SMURF1: variants seen among roughly 807,000 people sequenced by gnomAD.
SMURF1 encodes SMAD specific E3 ubiquitin protein ligase 1.
Under a neutral mutation model 98.0 loss-of-function variants are expected in SMURF1, and 44 were observed. That is an observed-to-expected ratio of 0.45 (90% CI 0.35 to 0.58). SMURF1 has a LOEUF of 0.58. Among genes scored for constraint, SMURF1 ranks in the 20% least tolerant of loss-of-function variants. The pLI is 0.00. For missense variants in SMURF1, 687 were observed against 938.4 expected (o/e 0.73, Z 3.50); for synonymous variants, 396 against 374.9 (o/e 1.06, Z -0.65).
At chr7:99,121,491 C>T (rs969417212) in intron 1 of SMURF1, among the ~76,000 whole-genome samples, 11 of 152,168 alleles carry the variant, frequency 7.2e-5, no homozygotes, top group African/African-American at 2.7e-4. Flanking sequence ...CAGCAGATAA[C>T]TGTGTAAAAG....
intron 1 of SMURF1, among the ~76,000 whole-genome samples, chr7:99,124,026 T>C (rs577846957): frequency 6.6e-6 from 1 of 152,312 alleles, no homozygotes; most frequent in East Asian, 1.9e-4. Context: ...GCTACTGGTA[T>C]GTGGTGGAAC....
intron 11 of SMURF1, among the ~76,000 whole-genome samples, chr7:99,042,711 C>T (rs1221409506): frequency 6.6e-6 from 1 of 152,244 alleles, no homozygotes; most frequent in Admixed American, 6.5e-5. Flanking sequence ...ACTCAGGTTG[C>T]ATTAAGCCCA....
chr7:99,031,192 G>A lies in SMURF1; in HGVS notation c.2097-509C>T, dbSNP rs766879603. Among the ~76,000 whole-genome samples the A allele has an allele frequency of 4.1e-4, 63 of 152,280 alleles. 2 individuals carry two copies. Among genetic ancestry groups the A allele is most frequent in the Middle Eastern group, 3.4e-3 (1 of 294 alleles). On this transcript the variant is annotated intron_variant, in intron 17 of 17. Transcript: ENST00000361368. Reference sequence around the variant, plus strand: ...GCAACGTCACCACTAACGATGTACTGCGTGTCTGTCTGTTCCTCTGGGACT... The same window carrying A: ...GCAACGTCACCACTAACGATGTACTACGTGTCTGTCTGTTCCTCTGGGACT...
At chr7:99,051,093 G>A in intron 8 of SMURF1, 1 of 1,143,924 alleles carries the variant, frequency 8.7e-7, no homozygotes, top group Non-Finnish European at 1.3e-6. Flanking sequence ...AAAAAAGTTA[G>A]TGATCATAAG....
intron 1 of SMURF1, among the ~76,000 whole-genome samples, chr7:99,077,002 A>C (rs1361418206): frequency 3.3e-5 from 5 of 151,864 alleles, no homozygotes; most frequent in African/African-American, 1.2e-4. Flanking sequence ...ATAAAAAAAA[A>C]AACAAAAAAG....
chr7:99,060,641 A>G lies in SMURF1; in HGVS notation c.161T>C (p.Val54Ala). 2 of 1,613,894 alleles carry G rather than the reference A, an allele frequency of 1.2e-6. No homozygotes were observed. The highest frequency in any genetic ancestry group is 1.7e-6 in the Non-Finnish European group (2 of 1,179,974). Residue 54 changes from valine to alanine, a missense_variant, in exon 3 of 18, where the codon GTG (valine) becomes GCG (alanine). By Grantham distance (64) the Val-to-Ala change is moderately conservative. This residue lies in a region of SMURF1 where 415 missense variants were observed against 508.4 expected (regional missense o/e 0.82). Transcript: ENST00000361368. ...GSGQCHSTDTVKNTLDPKWNQ... is the reference protein window; with the variant it reads ...GSGQCHSTDTAKNTLDPKWNQ... ...CCACTTTGGGTCCAATGTGTTTTTC[A>G]CAGTGTCGGTTGAGTGGCACTGCCC...
intron 13 of SMURF1, among the ~76,000 whole-genome samples, chr7:99,039,654 C>T (rs1289820334): frequency 2.0e-5 from 3 of 152,106 alleles, no homozygotes; most frequent in African/African-American, 7.2e-5. Context: ...AGGCATGAGC[C>T]ACCGCACCCA....
At chr7:99,130,929 T>A (rs1390106619) in intron 1 of SMURF1, among the ~76,000 whole-genome samples, 2 of 152,162 alleles carry the variant, frequency 1.3e-5, no homozygotes, top group African/African-American at 4.8e-5. Context: ...ATTAGGCCAA[T>A]GAGACAAGAG....
At chr7:99,092,769 G>C (rs185839303) in intron 1 of SMURF1, among the ~76,000 whole-genome samples, 16 of 152,246 alleles carry the variant, frequency 1.1e-4, no homozygotes, top group Non-Finnish European at 1.8e-4. Flanking sequence ...ATGAATCCAC[G>C]ATATATAGTG....
intron 1 of SMURF1, among the ~76,000 whole-genome samples, chr7:99,132,554 C>T (rs570031343): frequency 1.3e-5 from 2 of 152,192 alleles, no homozygotes; most frequent in African/African-American, 2.4e-5. Flanking sequence ...GCTGCCTGAT[C>T]GTGAGTGAGG....
chr7:99,064,039 T>C (rs1366805979), intron 1 of SMURF1, among the ~76,000 whole-genome samples: 1 of 152,226 alleles, frequency 6.6e-6, no homozygotes, highest in Non-Finnish European at 1.5e-5. Context: ...TTTTGGTGTT[T>C]GGCCTTTGTC....
At chr7:99,077,156 CTT>C (rs1796481704) in intron 1 of SMURF1, among the ~76,000 whole-genome samples, 1 of 151,496 alleles carries the variant, frequency 6.6e-6, no homozygotes, top group Admixed American at 6.6e-5. Flanking sequence ...ATTTATTTCT[CTT>C]CTTTTCACCT....
At chr7:99,092,893 C>T (rs552287633) in intron 1 of SMURF1, among the ~76,000 whole-genome samples, 7 of 152,258 alleles carry the variant, frequency 4.6e-5, no homozygotes, top group African/African-American at 1.4e-4. Flanking sequence ...CCTCTGGGAA[C>T]GATGGTTCAG....
At chr7:99,083,372 T>C (rs913526896) in intron 1 of SMURF1, among the ~76,000 whole-genome samples, 17 of 152,234 alleles carry the variant, frequency 1.1e-4, no homozygotes, top group African/African-American at 4.1e-4. Context: ...TAGATAATAA[T>C]GATTTACTTG....
intron 1 of SMURF1, among the ~76,000 whole-genome samples, chr7:99,070,844 C>T (rs1796299970): frequency 6.6e-6 from 1 of 151,988 alleles, no homozygotes; most frequent in Non-Finnish European, 1.5e-5. Context: ...TTTGCAAGCG[C>T]CACAATGTGA....
At chr7:99,085,047 C>A (rs1395343912) in intron 1 of SMURF1, among the ~76,000 whole-genome samples, 1 of 152,228 alleles carries the variant, frequency 6.6e-6, no homozygotes, top group East Asian at 1.9e-4. Context: ...TCACCTTCCA[C>A]CATGGTTGAA....
At chr7:99,128,911 TC>T (rs1391925266) in intron 1 of SMURF1, among the ~76,000 whole-genome samples, 1 of 152,216 alleles carries the variant, frequency 6.6e-6, no homozygotes, top group Non-Finnish European at 1.5e-5. Flanking sequence ...TGTTATATAA[TC>T]CATTATTTAA....
At chr7:99,105,541 G>A (rs759922045) in intron 1 of SMURF1, among the ~76,000 whole-genome samples, 12 of 152,096 alleles carry the variant, frequency 7.9e-5, no homozygotes, top group Non-Finnish European at 1.8e-4. Context: ...CTATCATAGG[G>A]ACTAGTCTTA....
At chr7:99,117,046 T>C (rs1366429361) in intron 1 of SMURF1, among the ~76,000 whole-genome samples, 2 of 151,414 alleles carry the variant, frequency 1.3e-5, no homozygotes, top group African/African-American at 4.8e-5. Context: ...AAGCCATATA[T>C]TTACAGTCAA....
Sources: gnomAD v4.1 joint callset for allele counts (sites outside exome capture counted in the v4.1 genomes callset) on GRCh38, gnomAD v4.1.1 for gene constraint, gnomAD v4.1.1 regional missense constraint, MANE v1.5 for transcripts, NCBI Gene and HGNC (gene_info 2026-07-23, HGNC 2026-07-21) for gene names.